Variants in AFG2B observed in about 807,000 individuals in gnomAD.
AFG2B encodes the protein AAA ATPase AFG2B.
the AFG2B span, among the ~76,000 whole-genome samples, chr15:45,416,135 G>A: frequency 2.0e-5 from 3 of 152,236 alleles, no homozygotes; most frequent in South Asian, 4.2e-4. Flanking sequence ...TTCTAAAAAT[G>A]TTTATGTAGA....
chr15:45,405,657 A>G, the AFG2B span: 1 of 737,628 alleles, frequency 1.4e-6, no homozygotes, highest in Non-Finnish European at 2.1e-6. Context: ...AACTCTATAT[A>G]AATAGTATAT....
the AFG2B span, chr15:45,414,638 T>C: frequency 1.9e-6 from 3 of 1,613,948 alleles, no homozygotes; most frequent in Non-Finnish European, 2.5e-6. Context: ...CCAAAGGGAG[T>C]TCTCCTCTAT....
chr15:45,402,358 T>C, the AFG2B span: 4 of 1,543,718 alleles, frequency 2.6e-6, no homozygotes, highest in Non-Finnish European at 3.5e-6. Flanking sequence ...GCCTGCGAGC[T>C]CGGTGTTCCG....
the AFG2B span, among the ~76,000 whole-genome samples, chr15:45,411,257 A>G: frequency 6.6e-6 from 1 of 152,138 alleles, no homozygotes; most frequent in Non-Finnish European, 1.5e-5. Context: ...AGACAGGAGG[A>G]TCTCTTGAGG....
At chr15:45,403,616 C>A in the AFG2B span, 1 of 1,496,822 alleles carries the variant, frequency 6.7e-7, no homozygotes, top group Non-Finnish European at 8.9e-7. Context: ...TAGGTTTGAG[C>A]ATCGGTGAGG....
At chr15:45,419,640 A>C in the AFG2B span, among the ~76,000 whole-genome samples, 1 of 152,306 alleles carries the variant, frequency 6.6e-6, no homozygotes, top group South Asian at 2.1e-4. Context: ...ATCACTACTT[A>C]TGTCAAGAAA....
At chr15:45,411,783 G>C in the AFG2B span, among the ~76,000 whole-genome samples, 1 of 152,080 alleles carries the variant, frequency 6.6e-6, no homozygotes, top group Non-Finnish European at 1.5e-5. Context: ...GCGAGATCCT[G>C]TGTCTTTAAA....
the AFG2B span, chr15:45,403,397 C>T: frequency 3.1e-6 from 5 of 1,610,708 alleles, no homozygotes; most frequent in Non-Finnish European, 4.2e-6. Flanking sequence ...CGCGTAGTGG[C>T]CCAGGTGTTG....
At chr15:45,417,468 A>G in the AFG2B span, 8 of 1,558,398 alleles carry the variant, frequency 5.1e-6, no homozygotes, top group African/African-American at 1.4e-5. Flanking sequence ...ATAGGTGTCC[A>G]TGGTGTTCTA....
At chr15:45,409,958 G>A in the AFG2B span, among the ~76,000 whole-genome samples, 1 of 152,180 alleles carries the variant, frequency 6.6e-6, no homozygotes, top group Non-Finnish European at 1.5e-5. Context: ...CCTAACGTTT[G>A]TCAGAAAGGT....
At chr15:45,417,155 G>C in the AFG2B span, 69 of 1,304,582 alleles carry the variant, frequency 5.3e-5, no homozygotes, top group Admixed American at 4.5e-4. Flanking sequence ...AAGCATTCTG[G>C]TCCCAAGAAA....
the AFG2B span, chr15:45,421,078 C>T: frequency 2.9e-5 from 47 of 1,612,520 alleles, no homozygotes; most frequent in Admixed American, 3.4e-5. Context: ...ATGGACTAGA[C>T]GCAACTACAG....
chr15:45,407,995 G>A, the AFG2B span, among the ~76,000 whole-genome samples: 2 of 152,138 alleles, frequency 1.3e-5, no homozygotes, highest in Non-Finnish European at 1.5e-5. Context: ...TGACCATTTG[G>A]GGGTGGCAAA....
At chr15:45,403,505 G>A in the AFG2B span, 1 of 1,603,402 alleles carries the variant, frequency 6.2e-7, no homozygotes, top group African/African-American at 1.4e-5. Flanking sequence ...AGGCCCGGGA[G>A]ATTTGACCGA....
the AFG2B span, chr15:45,417,149 A>G: frequency 8.0e-7 from 1 of 1,247,306 alleles, no homozygotes; most frequent in Non-Finnish European, 1.1e-6. Flanking sequence ...GGATATAAGC[A>G]TTCTGGTCCC....
At chr15:45,417,137 G>A in the AFG2B span, 69 of 1,061,032 alleles carry the variant, frequency 6.5e-5, no homozygotes, top group Non-Finnish European at 9.0e-5. Flanking sequence ...GGTCTGGAAA[G>A]CGGATATAAG....
chr15:45,411,802 A>T, the AFG2B span, among the ~76,000 whole-genome samples: 1 of 152,158 alleles, frequency 6.6e-6, no homozygotes, highest in Admixed American at 6.5e-5. Context: ...AAAAAAAATT[A>T]AAAAACAATT....
the AFG2B span, chr15:45,421,336 A>G: frequency 2.2e-5 from 14 of 636,572 alleles, no homozygotes; most frequent in Non-Finnish European, 2.4e-5. Flanking sequence ...ACAAAACAAA[A>G]CAAAAAAAAC....
chr15:45,415,668 A>G, the AFG2B span: 1 of 1,614,184 alleles, frequency 6.2e-7, no homozygotes, highest in South Asian at 1.1e-5. Context: ...TCGCTCAGCC[A>G]GCAAGACAGG....
Sources: allele counts gnomAD v4.1 joint callset (sites outside exome capture counted in the v4.1 genomes callset), GRCh38; gene constraint gnomAD v4.1.1; transcripts MANE v1.5; gene names NCBI Gene and HGNC (gene_info 2026-07-23, HGNC 2026-07-21).